Variants in CEP89 observed in about 807,000 individuals in gnomAD.
CEP89 encodes the protein centrosomal protein 89.
A neutral mutation model predicts 97.6 loss-of-function variants in CEP89; 95 were observed. The observed-to-expected ratio is 0.97, with a 90% CI of 0.82 to 1.15. The LOEUF (loss-of-function observed/expected upper bound fraction) is 1.15, where lower values mean the gene tolerates loss of function less well. Among genes scored for constraint, CEP89 ranks in the 50% most tolerant of loss-of-function variants. The pLI is 0.00. For synonymous variants in CEP89, 354 were observed against 349.1 expected (o/e 1.01, Z -0.16); for missense variants, 869 against 947.7 (o/e 0.92, Z 1.09).
intron 9 of CEP89, chr19:32,931,201 G>T: frequency 2.1e-6 from 1 of 471,366 alleles, no homozygotes; most frequent in Non-Finnish European, 3.7e-6. Context: ...CTTTTACTTT[G>T]TACACTTCTG....
chr19:32,899,154 A>G (rs1422082701), intron 16 of CEP89, among the ~76,000 whole-genome samples: 2 of 137,958 alleles, frequency 1.4e-5, no homozygotes, highest in Non-Finnish European at 3.1e-5. Flanking sequence ...TTTTAGGGAC[A>G]GGGTCTTTCT....
chr19:32,961,014 C>A (rs1241805816), intron 2 of CEP89, among the ~76,000 whole-genome samples: 1 of 152,054 alleles, frequency 6.6e-6, no homozygotes, highest in Non-Finnish European at 1.5e-5. Context: ...TGCAGAAGGT[C>A]CCCTAGTTTC....
rs1970463873 is a variant in CEP89 at position 32,931,098 on chromosome 19, C to T, written c.1029+331G>A. Reference sequence around the variant, plus strand: ...GTAGAGACTGTCTCGCCATGTCCCCCAGGATGGTCTCAAACTCCAGAGCTC... The same window carrying T: ...GTAGAGACTGTCTCGCCATGTCCCCTAGGATGGTCTCAAACTCCAGAGCTC... On this transcript the variant is annotated intron_variant, in intron 9 of 18. Transcript: ENST00000305768. The T allele has an allele frequency of 1.1e-5, 4 of 362,766 alleles. No homozygotes were observed. The Admixed American group carries it at 1.9e-4, about 17-fold the overall frequency. 22.5% of individuals were successfully genotyped at this position (362,766 alleles called of 1,614,324 possible).
intron 2 of CEP89, among the ~76,000 whole-genome samples, chr19:32,963,093 C>T (rs1261504100): frequency 1.3e-5 from 2 of 152,170 alleles, no homozygotes; most frequent in African/African-American, 4.8e-5. Flanking sequence ...CGGTAGCTCA[C>T]GCCTGTAATC....
rs988665968 is a variant in CEP89 at position 32,961,935 on chromosome 19, C to T, written c.147-1877G>A. Among the ~76,000 whole-genome samples the T allele has an allele frequency of 7.2e-5, 11 of 152,026 alleles. 1 individual carries two copies. Among genetic ancestry groups the T allele is most frequent in the South Asian group, 4.1e-4 (2 of 4,826 alleles). ...TTGGGATTACAGCCATGAGCCACCA[C>T]GCCCAGCTGCTGTTTTGTTTTAAAT... On this transcript the variant is annotated intron_variant, in intron 2 of 18. Coordinates refer to ENST00000305768, the MANE Select transcript of CEP89 (RefSeq NM_032816.5).
intron 16 of CEP89, among the ~76,000 whole-genome samples, chr19:32,895,562 TAAGGATGACTA>T (rs763721067): frequency 3.3e-5 from 5 of 152,014 alleles, no homozygotes; most frequent in Non-Finnish European, 7.4e-5. Flanking sequence ...TGAAACTAGT[TAAGGATGACTA>T]CTTTCACCAC....
In CEP89 at chr19:32,933,434, A is replaced by C. The variant is rs1476029905; in HGVS notation, c.886+17T>G. 4 of 1,582,332 alleles carry C rather than the reference A, an allele frequency of 2.5e-6. No homozygotes were observed. In the African/African-American group the frequency reaches 5.4e-5, roughly 21 times the overall value. On this transcript the variant is annotated intron_variant, in intron 8 of 18. Transcript: ENST00000305768. Reference sequence around the variant, plus strand: ...TCCTGCTCATTCCTCTAATAAAGGCACTCTGTCTGTCCCCACCTTCCTGTG... The same window carrying C: ...TCCTGCTCATTCCTCTAATAAAGGCCCTCTGTCTGTCCCCACCTTCCTGTG...
intron 16 of CEP89, among the ~76,000 whole-genome samples, chr19:32,895,140 C>CCTG (rs1419729985): frequency 1.3e-5 from 2 of 151,992 alleles, no homozygotes; most frequent in Non-Finnish European, 2.9e-5. Flanking sequence ...CCAGCAATAC[C>CCTG]CTGCTACCAA....
At chr19:32,879,517 C>T (rs1969234625) in intron 18 of CEP89, 139 bp from the exon 19 acceptor site, 5 of 689,320 alleles carry the variant, frequency 7.3e-6, no homozygotes, top group East Asian at 5.4e-5. Context: ...CTGAAGCAAG[C>T]GCTCAGTGTG....
chr19:32,926,607 G>A (rs1970363405), intron 10 of CEP89, among the ~76,000 whole-genome samples: 1 of 152,212 alleles, frequency 6.6e-6, no homozygotes, highest in Non-Finnish European at 1.5e-5. Context: ...TGCCGCCCAG[G>A]CTCGCGTGCA....
intron 2 of CEP89, among the ~76,000 whole-genome samples, chr19:32,960,688 T>G (rs371514660): frequency 5.3e-5 from 8 of 151,810 alleles, no homozygotes; most frequent in African/African-American, 1.9e-4. Context: ...CGCGCACCTG[T>G]AATCCCAGCT....
intron 5 of CEP89, among the ~76,000 whole-genome samples, chr19:32,942,210 C>T (rs568608843): frequency 1.4e-4 from 21 of 152,136 alleles, no homozygotes; most frequent in South Asian, 6.2e-4. Context: ...AGCAAAACCC[C>T]GTCTCTACAA....
intron 3 of CEP89, among the ~76,000 whole-genome samples, chr19:32,958,513 T>C (rs1211022357): frequency 6.7e-6 from 1 of 149,944 alleles, no homozygotes; most frequent in Non-Finnish European, 1.5e-5. Flanking sequence ...ATCTCATCTC[T>C]ACTAAAAATA....
intron 18 of CEP89, 37 bp downstream of exon 18, chr19:32,881,807 C>T (rs1013091540): frequency 1.3e-6 from 2 of 1,551,148 alleles, no homozygotes; most frequent in African/African-American, 1.4e-5. Context: ...GACATTCAGA[C>T]ATCTCTGCGG....
chr19:32,904,374 A>T (rs1344921384), intron 14 of CEP89, among the ~76,000 whole-genome samples: 1 of 152,186 alleles, frequency 6.6e-6, no homozygotes, highest in East Asian at 1.9e-4. Context: ...TGAATGGAAA[A>T]AAACCCACAA....
At chr19:32,969,776 G>A (rs573086106) in intron 1 of CEP89, 21 of 152,414 alleles carry the variant, frequency 1.4e-4, no homozygotes, top group Middle Eastern at 3.4e-3. Context: ...GGCAAATTCT[G>A]CCTGTTCCCG....
intron 4 of CEP89, among the ~76,000 whole-genome samples, chr19:32,953,117 G>T (rs1330544133): frequency 6.6e-6 from 1 of 151,250 alleles, no homozygotes; most frequent in Non-Finnish European, 1.5e-5. Context: ...GCAGTGCCCT[G>T]ATGTGTGACA....
At chr19:32,943,177 TG>T (rs1412028490) in intron 5 of CEP89, among the ~76,000 whole-genome samples, 6 of 152,230 alleles carry the variant, frequency 3.9e-5, no homozygotes, top group Non-Finnish European at 1.5e-5. Context: ...TTTACATTTT[TG>T]TAGAAACGGG....
At chr19:32,886,958 T>C (rs2145871418) in intron 17 of CEP89, among the ~76,000 whole-genome samples, 1 of 147,664 alleles carries the variant, frequency 6.8e-6, no homozygotes, top group Non-Finnish European at 1.5e-5. Context: ...GGCAGATCAC[T>C]TGAGCTCAGA....
Sources: gnomAD v4.1 joint callset for allele counts (sites outside exome capture counted in the v4.1 genomes callset) on GRCh38, gnomAD v4.1.1 for gene constraint, MANE v1.5 for transcripts, NCBI Gene and HGNC (gene_info 2026-07-23, HGNC 2026-07-21) for gene names.